The following APOBEC1 variants were observed in gnomAD, a reference collection of about 807,000 sequenced individuals.
The protein encoded by APOBEC1 is apolipoprotein B mRNA editing enzyme catalytic subunit 1, also known as C->U-editing enzyme APOBEC-1.
Under a neutral mutation model 26.3 loss-of-function variants are expected in APOBEC1, and 22 were observed. The ratio of observed to expected loss-of-function variants is 0.84; its 90% confidence interval spans 0.60 to 1.19. The LOEUF (loss-of-function observed/expected upper bound fraction) is 1.19, where lower values mean the gene tolerates loss of function less well. Among genes scored for constraint, APOBEC1 ranks in the 50% most tolerant of loss-of-function variants. The pLI, the probability that APOBEC1 is intolerant of heterozygous loss-of-function variation, is 0.00. For missense variants in APOBEC1, 253 were observed against 289.0 expected (o/e 0.88, Z 0.90); for synonymous variants, 77 against 95.3 (o/e 0.81, Z 1.12).
intron 2 of APOBEC1, among the ~76,000 whole-genome samples, chr12:7,654,140 A>G (rs1863682526): frequency 6.6e-6 from 1 of 152,182 alleles, no homozygotes; most frequent in South Asian, 2.1e-4. Flanking sequence ...TTTCCCAGGT[A>G]TTTCACTAAT....
chr12:7,668,351 G>A (rs1476150452), upstream of APOBEC1, among the ~76,000 whole-genome samples: 6 of 152,118 alleles, frequency 3.9e-5, no homozygotes, highest in Non-Finnish European at 2.9e-5. Context: ...AATGTGTGTC[G>A]TTTTATACCA....
At position 7,652,621 on chromosome 12, in the gene APOBEC1, A is replaced by C. The variant is rs1863658922; in HGVS notation, c.259T>G (p.Phe87Val). The C allele has an allele frequency of 1.2e-6, 2 of 1,614,226 alleles. No individual in the cohort carries two copies. Among genetic ancestry groups the C allele is most frequent in the Non-Finnish European group, 1.7e-6 (2 of 1,180,030 alleles). ...HPSMSCSITW[F>V]LSWSPCWECS... is the part of the protein sequence containing the mutation. ...TCCCAGCAGGGACTCCAGGACAAGA[A>C]CCAGGTGATGGAGCAGCTCATGGAT... Residue 87 changes from phenylalanine (F) to valine (V), a missense_variant, in exon 3 of 5, where the codon TTC becomes GTC. Physicochemically the swap from Phe to Val is conservative, Grantham distance 50 (BLOSUM62 -1). Coordinates refer to ENST00000229304, the MANE Select transcript of APOBEC1 (RefSeq NM_001644.5).
At chr12:7,664,956 G>A (rs1212118132) in intron 1 of APOBEC1, among the ~76,000 whole-genome samples, 2 of 151,402 alleles carry the variant, frequency 1.3e-5, no homozygotes, top group African/African-American at 2.4e-5. Flanking sequence ...TGTATTCCTA[G>A]TACTTTGAGA....
At chr12:7,669,692 C>G (rs1368515140), upstream of APOBEC1, among the ~76,000 whole-genome samples, 1 of 152,088 alleles carries the variant, frequency 6.6e-6, no homozygotes, top group African/African-American at 2.4e-5. Flanking sequence ...CAGGTGTGAG[C>G]CACTACACCC....
intron 3 of APOBEC1, among the ~76,000 whole-genome samples, chr12:7,651,513 C>T (rs1043692170): frequency 6.7e-6 from 1 of 149,920 alleles, no homozygotes; most frequent in Admixed American, 6.7e-5. Flanking sequence ...ACTGGGGAGG[C>T]TGAGGCAGGA....
At position 7,652,773 on chromosome 12, in the gene APOBEC1, G is replaced by A. The variant is rs201153599; in HGVS notation, c.107C>T (p.Ala36Val). ...CCACTTGATTTCGTAGAGCAGACAG[G>A]CCTCTTTACGAAGTTCTCTGGGGTC... ...FYDPRELRKEACLLYEIKWGM... is the reference protein window; with the variant it reads ...FYDPRELRKEVCLLYEIKWGM... Residue 36 changes from alanine (A) to valine (V), a missense_variant, in exon 3 of 5, where the codon GCC (alanine) becomes GTC (valine). By Grantham distance (64) the Ala-to-Val change is moderately conservative (BLOSUM62 0). Transcript: ENST00000229304. The A allele has an allele frequency of 8.6e-5, 138 of 1,613,694 alleles. No homozygotes were observed. The highest frequency in any genetic ancestry group is 6.7e-5 in the Admixed American group (4 of 59,982).
intron 2 of APOBEC1, among the ~76,000 whole-genome samples, chr12:7,653,665 G>A (rs1863677609): frequency 6.6e-6 from 1 of 151,966 alleles, no homozygotes; most frequent in Admixed American, 6.6e-5. Context: ...GAGGTGCTAT[G>A]TTCCAATCCT....
intron 3 of APOBEC1, 24 bp downstream of exon 3, chr12:7,652,414 A>T (rs376766424): frequency 4.4e-6 from 7 of 1,585,174 alleles, no homozygotes; most frequent in Non-Finnish European, 6.0e-6. Context: ...TAAACAATGA[A>T]GTTTCTTTGT....
At chr12:7,666,036 G>C, upstream of APOBEC1, 10 of 756,564 alleles carry the variant, frequency 1.3e-5, no homozygotes, top group South Asian at 1.4e-4. Flanking sequence ...ACAAACAGGG[G>C]GCCGACTGAG....
In APOBEC1 at chr12:7,665,886, T is replaced by G; in HGVS notation, c.-14A>C. 3.1e-6 allele frequency: 5 copies of G among 1,613,920 alleles called. No individual in the cohort carries two copies. Among genetic ancestry groups the G allele is most frequent in the Non-Finnish European group, 4.2e-6 (5 of 1,179,948 alleles). The stretch of plus-strand genomic sequence containing the variant: ...CTCAGAAGTCATGGTGCTCTGTCTC[T>G]GGACTTCCTCCTCTGGAGTCATAAG... On this transcript the variant is annotated 5_prime_UTR_variant, in exon 1 of 5. Transcript: ENST00000229304.
chr12:7,654,372 C>CTT (rs373055650), intron 2 of APOBEC1, among the ~76,000 whole-genome samples: 23,179 of 136,492 alleles, frequency 0.17, 2,867 homozygotes, highest in African/African-American at 0.32. Flanking sequence ...TCCACAGTTC[C>CTT]TTTTTTTTTT....
intron 1 of APOBEC1, 42 bp from the exon 2 acceptor site, chr12:7,654,674 T>G: frequency 6.3e-7 from 1 of 1,596,782 alleles, no homozygotes; most frequent in Non-Finnish European, 8.6e-7. Context: ...CACTCAAATA[T>G]CAAATGAGTT....
At chr12:7,659,006 A>G (rs1160479644) in intron 1 of APOBEC1, among the ~76,000 whole-genome samples, 1 of 145,838 alleles carries the variant, frequency 6.9e-6, no homozygotes, top group Non-Finnish European at 1.5e-5. Context: ...TTAAAAATAT[A>G]TTTATAGGCC....
chr12:7,654,586 G>C lies in APOBEC1; in HGVS notation c.44+19C>G. On this transcript the variant is annotated intron_variant, in intron 2 of 4. Transcript: ENST00000229304. Reference sequence around the variant, plus strand: ...TTCTTGATCAAATTAAATGGGCACTGTGATAGTGTTATTCTTACCTCAGAG... The same window carrying C: ...TTCTTGATCAAATTAAATGGGCACTCTGATAGTGTTATTCTTACCTCAGAG... 3 of 1,612,552 alleles carry C rather than the reference G, an allele frequency of 1.9e-6. No homozygotes were observed. In the South Asian group the frequency reaches 3.3e-5, roughly 18 times the overall value.
intron 1 of APOBEC1, among the ~76,000 whole-genome samples, chr12:7,660,139 C>T (rs1260835049): frequency 6.7e-6 from 1 of 148,942 alleles, no homozygotes; most frequent in East Asian, 2.0e-4. Flanking sequence ...CCCGTCTCTA[C>T]TAAAAATACA....
At chr12:7,662,993 G>A (rs1438134785) in intron 1 of APOBEC1, among the ~76,000 whole-genome samples, 1 of 152,108 alleles carries the variant, frequency 6.6e-6, no homozygotes, top group East Asian at 1.9e-4. Flanking sequence ...CTGAATTTTA[G>A]AGACCTGCGC....
intron 1 of APOBEC1, among the ~76,000 whole-genome samples, chr12:7,660,334 G>GGAAGGAAGGAAGGGAAGGAAGGAA (rs1555094860): frequency 2.8e-5 from 1 of 35,754 alleles, no homozygotes. Context: ...AAGGAAGGAA[G>GGAAGGAAGGAAGGGAAGGAAGGAA]GGAAGGAAGG....
chr12:7,653,047 A>G (rs1374049354), intron 2 of APOBEC1, among the ~76,000 whole-genome samples: 1 of 152,052 alleles, frequency 6.6e-6, no homozygotes, highest in Non-Finnish European at 1.5e-5. Context: ...TTTCTGCCTC[A>G]ACTTCCCAAG....
chr12:7,652,073 C>T (rs180747288), intron 3 of APOBEC1, among the ~76,000 whole-genome samples: 40 of 152,238 alleles, frequency 2.6e-4, no homozygotes, highest in Admixed American at 1.3e-3. Context: ...CCGCCCACCT[C>T]GGCCTCCCAA....
Sources: allele counts gnomAD v4.1 joint callset (sites outside exome capture counted in the v4.1 genomes callset), GRCh38; gene constraint gnomAD v4.1.1; transcripts MANE v1.5; gene names NCBI Gene and HGNC (gene_info 2026-07-23, HGNC 2026-07-21).